Variants in CCNB2 observed in about 807,000 individuals in gnomAD.
CCNB2 encodes the protein G2/mitotic-specific cyclin-B2.
CCNB2 carries 39 observed loss-of-function variants against 51.1 expected under a neutral mutation model. The ratio of observed to expected loss-of-function variants is 0.76; its 90% CI spans 0.59 to 1.00. The LOEUF (loss-of-function observed/expected upper bound fraction) is 1.00. Among genes scored for constraint, CCNB2 ranks in the 50% least tolerant of loss-of-function variants. The pLI, the probability that CCNB2 is intolerant of heterozygous loss-of-function variation, is 0.00. For synonymous variants in CCNB2, 174 were observed against 165.5 expected, an observed-to-expected ratio of 1.05 and a Z score of -0.40; for missense variants, 472 against 470.3, an observed-to-expected ratio of 1.00 and a Z score of -0.03.
Position 59,124,993 on chromosome 15 carries a change from G to T in CCNB2, c.*116G>T. 1 of 551,698 alleles carries T rather than the reference G, an allele frequency of 1.8e-6. No individual in the cohort carries two copies. The allele number at this position is 551,698 out of a possible 1,614,324, so 34.2% of individuals were successfully genotyped here. ...TCTCATGAAACCTCTTCTCAGACCA[G>T]TTTTCTAAACATATATTGAGGAAAA... On this transcript the variant is annotated 3_prime_UTR_variant, in exon 9 of 9. Transcript: ENST00000288207.
chr15:59,111,645 A>T (rs1274996453), intron 3 of CCNB2, among the ~76,000 whole-genome samples: 1 of 152,100 alleles, frequency 6.6e-6, no homozygotes, highest in African/African-American at 2.4e-5. Context: ...TTTTCAGCTC[A>T]TCTTCTCATA....
intron 5 of CCNB2, among the ~76,000 whole-genome samples, chr15:59,116,412 G>A (rs1369364607): frequency 6.6e-6 from 1 of 152,138 alleles, no homozygotes; most frequent in East Asian, 1.9e-4. Flanking sequence ...TCTGTTCTCA[G>A]GACATCTATT....
chr15:59,110,637 TAGG>T (rs1370011809), intron 3 of CCNB2, among the ~76,000 whole-genome samples: 1 of 152,198 alleles, frequency 6.6e-6, no homozygotes, highest in Middle Eastern at 3.2e-3. Context: ...GTGTCCATGA[TAGG>T]AGATGTTCCC....
At chr15:59,115,324 T>C (rs1596331415) in intron 5 of CCNB2, among the ~76,000 whole-genome samples, 1 of 152,132 alleles carries the variant, frequency 6.6e-6, no homozygotes, top group African/African-American at 2.4e-5. Flanking sequence ...TGTCATTGAA[T>C]CACTGTAGAA....
At chr15:59,108,626 A>G (rs1208849245) in intron 3 of CCNB2, among the ~76,000 whole-genome samples, 1 of 152,234 alleles carries the variant, frequency 6.6e-6, no homozygotes, top group Non-Finnish European at 1.5e-5. Flanking sequence ...TGGATATTAA[A>G]TAAACCATTT....
chr15:59,116,420 A>G (rs1466836063), intron 5 of CCNB2, among the ~76,000 whole-genome samples: 1 of 148,468 alleles, frequency 6.7e-6, no homozygotes, highest in East Asian at 2.0e-4. Flanking sequence ...CAGGACATCT[A>G]TTTGTAATTG....
rs115196518 is a variant in CCNB2, at chr15:59,120,867, T to C, written c.976-2650T>C. Among the ~76,000 whole-genome samples, 201 of 152,346 alleles carry C rather than the reference T, an allele frequency of 1.3e-3. 1 individual carries two copies. Among genetic ancestry groups the C allele is most frequent in the African/African-American group, 4.6e-3 (193 of 41,580 alleles). On this transcript the variant is annotated intron_variant, in intron 7 of 8. Coordinates refer to ENST00000288207, the MANE Select transcript of CCNB2 (RefSeq NM_004701.4). ...GGTGGTTTCCACCTTCACCCAGTGA[T>C]TAAGCTCAGCATTACCACTGGCAGA...
At chr15:59,118,400 G>C (rs1370631462) in intron 7 of CCNB2, among the ~76,000 whole-genome samples, 3 of 152,170 alleles carry the variant, frequency 2.0e-5, no homozygotes, top group Non-Finnish European at 2.9e-5. Flanking sequence ...GGGATACGAA[G>C]CTGTCTTGGC....
intron 1 of CCNB2, 137 bp from the exon 2 acceptor site, chr15:59,107,185 A>G: frequency 1.3e-6 from 1 of 759,226 alleles, no homozygotes; most frequent in South Asian, 2.0e-5. Context: ...AGACTTCCTG[A>G]AATGTACCTT....
intron 7 of CCNB2, among the ~76,000 whole-genome samples, chr15:59,119,517 C>T (rs897558126): frequency 4.6e-5 from 7 of 150,952 alleles, no homozygotes; most frequent in African/African-American, 7.3e-5. Context: ...ACTGTGCATC[C>T]TTAGTGGGAT....
chr15:59,123,831 TG>T (rs2079314006), intron 8 of CCNB2: 2 of 506,082 alleles, frequency 4.0e-6, no homozygotes, highest in Admixed American at 6.4e-5. Flanking sequence ...AAGCTTTATT[TG>T]AAACAAGGTC....
intron 3 of CCNB2, among the ~76,000 whole-genome samples, chr15:59,110,006 A>G (rs1395227400): frequency 6.6e-6 from 1 of 152,204 alleles, no homozygotes; most frequent in African/African-American, 2.4e-5. Flanking sequence ...ACAACAAAAC[A>G]AGAACAAAAA....
chr15:59,117,165 C>G (rs2079282560), intron 6 of CCNB2, 63 bp from the exon 7 acceptor site: 1 of 1,557,970 alleles, frequency 6.4e-7, no homozygotes, highest in Non-Finnish European at 8.8e-7. Context: ...GGCCTTCACG[C>G]AGAATTTTGC....
At chr15:59,113,320 A>C (rs1322936740) in intron 3 of CCNB2, among the ~76,000 whole-genome samples, 1 of 152,204 alleles carries the variant, frequency 6.6e-6, no homozygotes, top group Admixed American at 6.5e-5. Context: ...GCTGCTACTA[A>C]AGTAGAATGA....
chr15:59,123,692 GC>G (rs368274399), intron 8 of CCNB2, 65 bp downstream of exon 8: 17,907 of 782,088 alleles, frequency 0.023, 813 homozygotes, highest in African/African-American at 0.13. Context: ...TGTATGTTGG[GC>G]GGGGGGGGGC....
chr15:59,122,177 A>G (rs149320319), intron 7 of CCNB2, among the ~76,000 whole-genome samples: 1 of 151,752 alleles, frequency 6.6e-6, no homozygotes, highest in East Asian at 1.9e-4. Context: ...TGCATATGAA[A>G]AAAACGTACT....
At chr15:59,108,955 C>G (rs2079246676) in intron 3 of CCNB2, among the ~76,000 whole-genome samples, 1 of 152,222 alleles carries the variant, frequency 6.6e-6, no homozygotes, top group Non-Finnish European at 1.5e-5. Flanking sequence ...GGCTGGTTTT[C>G]AGACCTTGAT....
chr15:59,120,972 T>C (rs1189573672), intron 7 of CCNB2: 1 of 152,078 alleles, frequency 6.6e-6, no homozygotes, highest in Admixed American at 6.6e-5. Flanking sequence ...TTGACATGAA[T>C]TAAATCTTGA....
chr15:59,105,434 C>A, intron 1 of CCNB2, 142 bp downstream of exon 1: 1 of 978,212 alleles, frequency 1.0e-6, no homozygotes. Context: ...TCGCCCGCGT[C>A]CCTGGCCCTG....
Sources: gnomAD v4.1 joint callset for allele counts (sites outside exome capture counted in the v4.1 genomes callset) on GRCh38, gnomAD v4.1.1 for gene constraint, MANE v1.5 for transcripts, NCBI Gene and HGNC (gene_info 2026-07-23, HGNC 2026-07-21) for gene names.